CSMD1: variants seen among roughly 807,000 people sequenced by gnomAD.
CSMD1 encodes the protein CUB and Sushi multiple domains 1, also known as CUB and sushi domain-containing protein 1.
Under a neutral mutation model 417.5 loss-of-function variants are expected in CSMD1, and 213 were observed. That is an observed-to-expected ratio of 0.51 (90% confidence interval 0.46 to 0.57). CSMD1 has a LOEUF of 0.57. CSMD1 is among the 20% of genes least tolerant of loss of function. The pLI, the probability that CSMD1 is intolerant of heterozygous loss-of-function variation, is 0.00. For synonymous variants in CSMD1, 2,862 were observed against 1,736.8 expected (o/e 1.65, Z -16.11); for missense variants, 6,923 against 4,529.7 (o/e 1.53, Z -15.17).
chr8:4,091,713 CA>C (rs1431363843), intron 3 of CSMD1, among the ~76,000 whole-genome samples: 1 of 152,188 alleles, frequency 6.6e-6, no homozygotes, highest in Admixed American at 6.5e-5. Context: ...GATAAAGGCA[CA>C]AGCCTCGCTT....
chr8:4,433,868 G>T (rs980403443), intron 2 of CSMD1, among the ~76,000 whole-genome samples: 8 of 152,192 alleles, frequency 5.3e-5, no homozygotes, highest in African/African-American at 1.7e-4. Context: ...AAGCACACAG[G>T]CACAGCCCCA....
chr8:3,631,113 G>T (rs979804358), intron 7 of CSMD1, among the ~76,000 whole-genome samples: 1 of 152,138 alleles, frequency 6.6e-6, no homozygotes, highest in African/African-American at 2.4e-5. Context: ...CAGCACACAG[G>T]TATCAGCTCA....
At chr8:4,024,818 A>AC (rs1261172264) in intron 4 of CSMD1, among the ~76,000 whole-genome samples, 7 of 152,324 alleles carry the variant, frequency 4.6e-5, no homozygotes, top group Admixed American at 2.6e-4. Flanking sequence ...CCTGAGTATG[A>AC]CTTCAGGGAT....
chr8:3,151,784 T>C (rs904576156), intron 39 of CSMD1, among the ~76,000 whole-genome samples: 4 of 152,230 alleles, frequency 2.6e-5, no homozygotes, highest in Admixed American at 6.5e-5. Context: ...GATGAGTCCA[T>C]GTAATGTTTG....
intron 2 of CSMD1, among the ~76,000 whole-genome samples, chr8:4,527,314 T>C (rs1440282100): frequency 6.6e-6 from 1 of 152,206 alleles, no homozygotes; most frequent in East Asian, 1.9e-4. Flanking sequence ...TATATTGTTA[T>C]ATAAGTCTTC....
chr8:4,187,956 C>T (rs1003450038), intron 3 of CSMD1, among the ~76,000 whole-genome samples: 49 of 152,110 alleles, frequency 3.2e-4, no homozygotes, highest in African/African-American at 1.2e-3. Context: ...GTGGTAGATA[C>T]TACCATGGGT....
At chr8:4,690,889 C>T (rs942711155) in intron 1 of CSMD1, among the ~76,000 whole-genome samples, 30 of 152,130 alleles carry the variant, frequency 2.0e-4, no homozygotes, top group African/African-American at 5.8e-4. Flanking sequence ...TCACCATGCC[C>T]GGCTAATTTT....
At chr8:4,993,823 G>A (rs923568351) in intron 1 of CSMD1, among the ~76,000 whole-genome samples, 1 of 152,170 alleles carries the variant, frequency 6.6e-6, no homozygotes, top group African/African-American at 2.4e-5. Flanking sequence ...GTATGGGTGC[G>A]AGGAGGCCGG....
At chr8:3,592,675 CGT>C (rs1416847122) in intron 8 of CSMD1, among the ~76,000 whole-genome samples, 1 of 127,772 alleles carries the variant, frequency 7.8e-6, no homozygotes, top group African/African-American at 4.7e-5. Flanking sequence ...TGTGCACATC[CGT>C]GTGTGTGTGC....
intron 3 of CSMD1, among the ~76,000 whole-genome samples, chr8:4,271,260 T>C (rs1282110271): frequency 6.6e-6 from 1 of 152,142 alleles, no homozygotes; most frequent in Non-Finnish European, 1.5e-5. Context: ...CTCAGGACCA[T>C]GAAGCTGTAG....
chr8:4,087,072 C>T (rs147774188), intron 3 of CSMD1, among the ~76,000 whole-genome samples: 12 of 152,284 alleles, frequency 7.9e-5, no homozygotes, highest in Middle Eastern at 3.4e-3. Flanking sequence ...AAGAGAGATG[C>T]GTCATCCAAG....
intron 9 of CSMD1, among the ~76,000 whole-genome samples, chr8:3,580,649 C>A (rs375626802): frequency 1.3e-5 from 2 of 152,090 alleles, no homozygotes; most frequent in African/African-American, 4.8e-5. Context: ...CTTCAGGAGT[C>A]AGGAAACAGC....
intron 12 of CSMD1, among the ~76,000 whole-genome samples, chr8:3,456,555 G>A (rs548385913): frequency 2.0e-5 from 3 of 152,258 alleles, no homozygotes; most frequent in Admixed American, 1.3e-4. Flanking sequence ...TTTTCACTTA[G>A]CATCATTGCA....
intron 2 of CSMD1, among the ~76,000 whole-genome samples, chr8:4,583,014 A>G (rs567892894): frequency 1.1e-4 from 16 of 152,300 alleles, no homozygotes; most frequent in South Asian, 8.3e-4. Flanking sequence ...CAGCAGTGCC[A>G]GCCCACCGGC....
At chr8:3,740,735 T>G (rs1397724369) in intron 6 of CSMD1, among the ~76,000 whole-genome samples, 2 of 152,206 alleles carry the variant, frequency 1.3e-5, no homozygotes, top group African/African-American at 4.8e-5. Flanking sequence ...AAAGACTTGG[T>G]ACCTAGTTCC....
chr8:3,784,910 G>C (rs925686720), intron 5 of CSMD1, among the ~76,000 whole-genome samples: 63 of 152,110 alleles, frequency 4.1e-4, no homozygotes, highest in Non-Finnish European at 1.5e-4. Context: ...CATCATTTTT[G>C]TGGTCAAAAC....
intron 3 of CSMD1, among the ~76,000 whole-genome samples, chr8:4,393,147 T>C (rs1777286126): frequency 6.6e-6 from 1 of 151,762 alleles, no homozygotes. Flanking sequence ...GACTAATTTT[T>C]GTATTTTTAG....
chr8:4,752,146 G>C (rs775886202), intron 1 of CSMD1, among the ~76,000 whole-genome samples: 1 of 151,774 alleles, frequency 6.6e-6, no homozygotes, highest in African/African-American at 2.4e-5. Context: ...ATGTATCTCA[G>C]TTGCTCTTTA....
intron 37 of CSMD1, among the ~76,000 whole-genome samples, chr8:3,180,666 C>T (rs977562697): frequency 6.6e-6 from 1 of 152,046 alleles, no homozygotes; most frequent in Non-Finnish European, 1.5e-5. Flanking sequence ...AACGGCATCT[C>T]GCTCTGTCAC....
Sources: allele counts gnomAD v4.1 joint callset (sites outside exome capture counted in the v4.1 genomes callset), GRCh38; gene constraint gnomAD v4.1.1; transcripts MANE v1.5; gene names NCBI Gene and HGNC (gene_info 2026-07-23, HGNC 2026-07-21).